Variants in KCND2 observed in about 807,000 individuals in gnomAD.
KCND2 encodes A-type voltage-gated potassium channel KCND2.
Under a neutral mutation model 54.4 loss-of-function variants are expected in KCND2, and 16 were observed. That is an observed-to-expected ratio of 0.29 (90% CI 0.20 to 0.45). The LOEUF is 0.45. KCND2 is among the 20% of genes least tolerant of loss of function. The pLI is 1.00. For synonymous variants in KCND2, 317 were observed against 310.7 expected (o/e 1.02, Z -0.21); for missense variants, 486 against 824.2 (o/e 0.59, Z 5.02).
At chr7:120,587,119 C>T (rs1286150562) in intron 1 of KCND2, among the ~76,000 whole-genome samples, 1 of 152,086 alleles carries the variant, frequency 6.6e-6, no homozygotes, top group Non-Finnish European at 1.5e-5. Flanking sequence ...TTGATGACTG[C>T]ATGCTGTAAA....
intron 1 of KCND2, among the ~76,000 whole-genome samples, chr7:120,284,865 T>C (rs1799316908): frequency 1.3e-5 from 2 of 152,122 alleles, no homozygotes; most frequent in Non-Finnish European, 2.9e-5. Flanking sequence ...AAACAAAATA[T>C]TAAAAACATA....
chr7:120,684,251 T>G (rs893487538), intron 1 of KCND2, among the ~76,000 whole-genome samples: 2 of 152,108 alleles, frequency 1.3e-5, no homozygotes, highest in African/African-American at 4.8e-5. Context: ...TAAAATACAT[T>G]TTATGAAGTT....
At chr7:120,393,544 C>G (rs1480383865) in intron 1 of KCND2, among the ~76,000 whole-genome samples, 2 of 151,882 alleles carry the variant, frequency 1.3e-5, no homozygotes, top group Non-Finnish European at 2.9e-5. Context: ...GCTTTCTTCC[C>G]TCTTCATTGT....
At chr7:120,488,016 A>G (rs1802719106) in intron 1 of KCND2, among the ~76,000 whole-genome samples, 1 of 151,872 alleles carries the variant, frequency 6.6e-6, no homozygotes, top group Non-Finnish European at 1.5e-5. Context: ...CCCCATCTAT[A>G]CAAAAAAACA....
intron 1 of KCND2, among the ~76,000 whole-genome samples, chr7:120,651,108 C>T (rs1365819440): frequency 7.0e-6 from 1 of 142,998 alleles, no homozygotes; most frequent in Non-Finnish European, 1.5e-5. Flanking sequence ...AGTTCTAAAA[C>T]TCCATGCTGG....
At chr7:120,398,690 G>A (rs1182334172) in intron 1 of KCND2, among the ~76,000 whole-genome samples, 9 of 152,130 alleles carry the variant, frequency 5.9e-5, no homozygotes, top group Admixed American at 5.9e-4. Flanking sequence ...GTAGTCAGAA[G>A]TATGTTTTGT....
intron 1 of KCND2, among the ~76,000 whole-genome samples, chr7:120,467,132 A>C (rs1802382018): frequency 6.6e-6 from 1 of 152,170 alleles, no homozygotes; most frequent in African/African-American, 2.4e-5. Flanking sequence ...AGATGTGAAC[A>C]TCTTTCGGGG....
At chr7:120,434,689 C>G (rs2116173991) in intron 1 of KCND2, among the ~76,000 whole-genome samples, 1 of 152,340 alleles carries the variant, frequency 6.6e-6, no homozygotes, top group East Asian at 1.9e-4. Context: ...GAGTTTATTA[C>G]TTCCTTGTCT....
At chr7:120,380,294 A>T (rs1376299918) in intron 1 of KCND2, among the ~76,000 whole-genome samples, 23 of 152,038 alleles carry the variant, frequency 1.5e-4, no homozygotes. Context: ...GTGACTCTCT[A>T]TGTGCTGTAG....
chr7:120,390,759 G>T (rs889511302), intron 1 of KCND2, among the ~76,000 whole-genome samples: 1 of 151,742 alleles, frequency 6.6e-6, no homozygotes, highest in East Asian at 1.9e-4. Context: ...TATATAATTT[G>T]TCATTCCCTG....
At chr7:120,597,952 A>G (rs1792765857) in intron 1 of KCND2, among the ~76,000 whole-genome samples, 1 of 152,090 alleles carries the variant, frequency 6.6e-6, no homozygotes, top group Non-Finnish European at 1.5e-5. Flanking sequence ...TTAAGTCAAA[A>G]GTACTATCTG....
chr7:120,684,659 C>A (rs1792179161), intron 1 of KCND2, among the ~76,000 whole-genome samples: 3 of 152,052 alleles, frequency 2.0e-5, no homozygotes, highest in African/African-American at 7.2e-5. Flanking sequence ...GGGTCCAGGG[C>A]CTGTTAGGAA....
chr7:120,444,424 G>T (rs1478917423), intron 1 of KCND2, among the ~76,000 whole-genome samples: 1 of 152,122 alleles, frequency 6.6e-6, no homozygotes, highest in Non-Finnish European at 1.5e-5. Context: ...CTACCAGCTA[G>T]ATTTGTCTTT....
intron 1 of KCND2, among the ~76,000 whole-genome samples, chr7:120,636,983 G>T (rs573645788): frequency 6.6e-6 from 1 of 152,098 alleles, no homozygotes; most frequent in Admixed American, 6.5e-5. Context: ...GCTCCATTAT[G>T]TAGACAAACT....
chr7:120,500,486 T>A (rs2116315979), intron 1 of KCND2, among the ~76,000 whole-genome samples: 1 of 152,282 alleles, frequency 6.6e-6, no homozygotes, highest in South Asian at 2.1e-4. Context: ...CGCAAAATTC[T>A]TGAATGTAGT....
At chr7:120,477,571 G>T (rs770659745) in intron 1 of KCND2, among the ~76,000 whole-genome samples, 1 of 151,970 alleles carries the variant, frequency 6.6e-6, no homozygotes, top group African/African-American at 2.4e-5. Flanking sequence ...TGTCTTTTTG[G>T]TGCTTGCTTT....
chr7:120,526,387 A>T (rs1390095977), intron 1 of KCND2, among the ~76,000 whole-genome samples: 1 of 152,138 alleles, frequency 6.6e-6, no homozygotes, highest in African/African-American at 2.4e-5. Context: ...TAATATACAG[A>T]AGAAAAATTA....
At chr7:120,570,093 T>G (rs1792343980) in intron 1 of KCND2, among the ~76,000 whole-genome samples, 1 of 152,198 alleles carries the variant, frequency 6.6e-6, no homozygotes, top group African/African-American at 2.4e-5. Context: ...TTCTTAACAT[T>G]GTGTAAATAA....
chr7:120,557,800 A>G (rs1030611963), intron 1 of KCND2, among the ~76,000 whole-genome samples: 4 of 152,180 alleles, frequency 2.6e-5, no homozygotes, highest in Non-Finnish European at 5.9e-5. Flanking sequence ...ATAAGTGCTC[A>G]GTAAAAATTA....
Sources: allele counts gnomAD v4.1 joint callset (sites outside exome capture counted in the v4.1 genomes callset), GRCh38; gene constraint gnomAD v4.1.1; transcripts MANE v1.5; gene names NCBI Gene and HGNC (gene_info 2026-07-23, HGNC 2026-07-21).